The following MAP7 variants were observed in gnomAD, a reference collection of about 807,000 sequenced individuals.
MAP7 encodes microtubule associated protein 7, also known as ensconsin.
Under a neutral mutation model 94.8 loss-of-function variants are expected in MAP7, and 52 were observed. That is an observed-to-expected ratio of 0.55 (90% CI 0.44 to 0.69). MAP7 has a LOEUF of 0.69. Ranked by LOEUF, MAP7 falls within the 30% of genes least tolerant of loss-of-function variation. The probability of loss-of-function intolerance (pLI) is 0.00; values close to 1 mark genes in which losing one functional copy is unlikely to be tolerated. For missense variants in MAP7, 940 were observed against 964.6 expected (o/e 0.97, Z 0.34); for synonymous variants, 350 against 357.0 (o/e 0.98, Z 0.22).
At chr6:136,394,157 G>A (rs1403767719) in intron 3 of MAP7, among the ~76,000 whole-genome samples, 1 of 151,550 alleles carries the variant, frequency 6.6e-6, no homozygotes, top group Non-Finnish European at 1.5e-5. Flanking sequence ...CTAATTTTTG[G>A]TATTTTTAAT....
chr6:136,424,028 C>T (rs1363572840), intron 1 of MAP7, among the ~76,000 whole-genome samples: 2 of 151,944 alleles, frequency 1.3e-5, no homozygotes, highest in Non-Finnish European at 2.9e-5. Context: ...GAACTCCCAA[C>T]CTCAGGTGAT....
chr6:136,347,402 G>A (rs1311657671), intron 16 of MAP7, among the ~76,000 whole-genome samples: 1 of 151,848 alleles, frequency 6.6e-6, no homozygotes, highest in African/African-American at 2.4e-5. Context: ...TGAATAAATA[G>A]TTTACTTTCT....
chr6:136,419,971 G>GT (rs1405554814), intron 2 of MAP7: 2 of 697,446 alleles, frequency 2.9e-6, no homozygotes, highest in African/African-American at 3.5e-5. Context: ...TGAGTGTCTG[G>GT]TTACAATAAC....
intron 3 of MAP7, among the ~76,000 whole-genome samples, chr6:136,405,897 T>A (rs1344528489): frequency 6.6e-6 from 1 of 152,192 alleles, no homozygotes; most frequent in African/African-American, 2.4e-5. Flanking sequence ...TGCTAGGTAA[T>A]CTTGTTTGAT....
chr6:136,469,766 C>T (rs1442130663), intron 1 of MAP7, among the ~76,000 whole-genome samples: 1 of 152,134 alleles, frequency 6.6e-6, no homozygotes. Context: ...AAACTGATAG[C>T]TTACAATTTA....
chr6:136,528,989 C>T (rs576501587), intron 1 of MAP7, among the ~76,000 whole-genome samples: 11 of 152,228 alleles, frequency 7.2e-5, no homozygotes, highest in African/African-American at 2.6e-4. Context: ...TGGCTTGATC[C>T]CTGTAGAGGT....
chr6:136,399,636 G>C (rs536398785), intron 3 of MAP7, among the ~76,000 whole-genome samples: 49 of 152,166 alleles, frequency 3.2e-4, no homozygotes, highest in Non-Finnish European at 6.8e-4. Flanking sequence ...TTATAGGCAT[G>C]AGCCACTGTG....
At chr6:136,528,742 T>C (rs535074113) in intron 1 of MAP7, among the ~76,000 whole-genome samples, 1 of 152,364 alleles carries the variant, frequency 6.6e-6, no homozygotes, top group Non-Finnish European at 1.5e-5. Flanking sequence ...TGAGTCAAGA[T>C]GCTCTCATCC....
intron 1 of MAP7, among the ~76,000 whole-genome samples, chr6:136,448,560 G>A (rs751075444): frequency 1.3e-5 from 2 of 151,796 alleles, no homozygotes; most frequent in East Asian, 2.0e-4. Flanking sequence ...GACTACAGGC[G>A]CCCGCCACCA....
chr6:136,398,137 C>T (rs1367263126), intron 3 of MAP7, among the ~76,000 whole-genome samples: 1 of 152,158 alleles, frequency 6.6e-6, no homozygotes, highest in Non-Finnish European at 1.5e-5. Flanking sequence ...CACAGTGATG[C>T]TGTACAAAAA....
At chr6:136,444,056 GT>G (rs1431621573) in intron 1 of MAP7, among the ~76,000 whole-genome samples, 1 of 152,162 alleles carries the variant, frequency 6.6e-6, no homozygotes, top group Non-Finnish European at 1.5e-5. Context: ...GTTATACCAT[GT>G]CAAAATTTCC....
At chr6:136,367,133 G>T (rs550480995) in intron 8 of MAP7, among the ~76,000 whole-genome samples, 1 of 152,278 alleles carries the variant, frequency 6.6e-6, no homozygotes, top group Admixed American at 6.5e-5. Flanking sequence ...CTCCCTGATT[G>T]CCAACTAGGA....
intron 1 of MAP7, among the ~76,000 whole-genome samples, chr6:136,470,046 C>T (rs765001570): frequency 6.6e-6 from 1 of 152,140 alleles, no homozygotes; most frequent in Non-Finnish European, 1.5e-5. Context: ...CAGCTCTTTC[C>T]TCCATTCTTG....
chr6:136,432,649 C>A (rs1457554060), intron 1 of MAP7, among the ~76,000 whole-genome samples: 2 of 152,164 alleles, frequency 1.3e-5, no homozygotes, highest in Non-Finnish European at 2.9e-5. Flanking sequence ...TGAAGTGCAA[C>A]TCACAGGTTG....
chr6:136,541,738 A>G (rs1251517333), intron 1 of MAP7, among the ~76,000 whole-genome samples: 1 of 152,188 alleles, frequency 6.6e-6, no homozygotes, highest in Non-Finnish European at 1.5e-5. Context: ...CTCAGTGTCA[A>G]ATACTATATA....
At chr6:136,407,717 C>T (rs1786070073) in intron 3 of MAP7, among the ~76,000 whole-genome samples, 1 of 152,150 alleles carries the variant, frequency 6.6e-6, no homozygotes, top group East Asian at 1.9e-4. Context: ...CTACAAGTGG[C>T]CCAATATGCC....
At chr6:136,478,174 T>C (rs915017447) in intron 1 of MAP7, among the ~76,000 whole-genome samples, 1 of 152,160 alleles carries the variant, frequency 6.6e-6, no homozygotes, top group Non-Finnish European at 1.5e-5. Flanking sequence ...ACTAAGTGCC[T>C]ACATCAAAAA....
chr6:136,386,186 G>A (rs953010719), intron 5 of MAP7, among the ~76,000 whole-genome samples: 1 of 152,124 alleles, frequency 6.6e-6, no homozygotes, highest in African/African-American at 2.4e-5. Flanking sequence ...CCATGATAGA[G>A]TACCCATCAT....
At chr6:136,511,450 C>A (rs1277175843) in intron 1 of MAP7, among the ~76,000 whole-genome samples, 1 of 151,778 alleles carries the variant, frequency 6.6e-6, no homozygotes, top group African/African-American at 2.4e-5. Context: ...AGGTGTGCAC[C>A]AGGAACTGTC....
Sources: gnomAD v4.1 joint callset for allele counts (sites outside exome capture counted in the v4.1 genomes callset) on GRCh38, gnomAD v4.1.1 for gene constraint, MANE v1.5 for transcripts, NCBI Gene and HGNC (gene_info 2026-07-23, HGNC 2026-07-21) for gene names.